WDFY4: variants seen among roughly 807,000 people sequenced by gnomAD.
The protein encoded by WDFY4 is WD repeat- and FYVE domain-containing protein 4.
In WDFY4, 169 loss-of-function variants were observed where a neutral mutation model predicts 351.9. That is an observed-to-expected ratio of 0.48 (90% CI 0.42 to 0.55). The LOEUF (loss-of-function observed/expected upper bound fraction) is 0.55. Among genes scored for constraint, WDFY4 ranks in the 20% least tolerant of loss-of-function variants. WDFY4 has a pLI of 0.00. For synonymous variants in WDFY4, 1,622 were observed against 1,574.6 expected (o/e 1.03, Z -0.71); for missense variants, 3,803 against 3,935.6 (o/e 0.97, Z 0.90).
intron 1 of WDFY4, among the ~76,000 whole-genome samples, chr10:48,708,776 G>T (rs796522644): frequency 1.3e-5 from 2 of 152,246 alleles, no homozygotes; most frequent in African/African-American, 4.8e-5. Flanking sequence ...GCTCTTGTAA[G>T]CTTGGGGACT....
intron 1 of WDFY4, among the ~76,000 whole-genome samples, chr10:48,695,269 T>G (rs1236547790): frequency 1.3e-5 from 2 of 152,340 alleles, no homozygotes; most frequent in African/African-American, 4.8e-5. Flanking sequence ...CAGCTTGTTG[T>G]GTGAGCTGCG....
chr10:48,955,438 G>T (rs2133816041), intron 51 of WDFY4, among the ~76,000 whole-genome samples: 1 of 152,294 alleles, frequency 6.6e-6, no homozygotes, highest in South Asian at 2.1e-4. Flanking sequence ...TTGGGTGTGT[G>T]GTAGGTTCCC....
intron 11 of WDFY4, among the ~76,000 whole-genome samples, chr10:48,738,477 T>C (rs779522666): frequency 1.3e-5 from 2 of 152,220 alleles, no homozygotes; most frequent in Non-Finnish European, 2.9e-5. Context: ...ATCTTCTCCC[T>C]GGGTGCCAAG....
chr10:48,688,376 A>G (rs1236326259), intron 1 of WDFY4, among the ~76,000 whole-genome samples: 1 of 152,232 alleles, frequency 6.6e-6, no homozygotes, highest in Non-Finnish European at 1.5e-5. Context: ...GACTGGAAAT[A>G]TAATTTGGAA....
chr10:48,743,392 G>C lies in WDFY4; in HGVS notation c.2303G>C (p.Gly768Ala), dbSNP rs1054619684. The change falls in exon 12 of 62, where the codon GGC (glycine) becomes GCC (alanine). Residue 768 changes from glycine (G) to alanine (A), a missense_variant. Gly to Ala is a moderately conservative substitution (Grantham distance 60). Around this residue, in one of 3 missense-constraint regions of WDFY4, gnomAD observed 3,054 missense variants for 3,148.6 expected, o/e 0.97. Coordinates refer to ENST00000325239, the MANE Select transcript of WDFY4 (RefSeq NM_001394531.1). ...ATACAGAGCTGCCTCCAGATCCTTG[G>C]CTTTCTGGACAGCATGGCCAGCGGC... ...PRIQSCLQIL[G>A]FLDSMASGTL... 1.7e-5 allele frequency: 26 copies of C among 1,551,614 alleles called. No homozygotes were observed. The highest frequency in any genetic ancestry group is 3.9e-5 in the Admixed American group (2 of 50,998).
chr10:48,887,711 G>A (rs969363446), intron 43 of WDFY4, among the ~76,000 whole-genome samples: 2 of 151,844 alleles, frequency 1.3e-5, no homozygotes, highest in Admixed American at 1.3e-4. Flanking sequence ...CCCAGGAGGC[G>A]GAGCTTGCAG....
At chr10:48,859,894 T>C (rs187942879) in intron 39 of WDFY4, among the ~76,000 whole-genome samples, 54 of 152,374 alleles carry the variant, frequency 3.5e-4, no homozygotes, top group African/African-American at 9.4e-4. Flanking sequence ...TATAAGGCTA[T>C]GCCAATGATC....
chr10:48,772,322 ATG>A (rs1381497103), intron 13 of WDFY4, among the ~76,000 whole-genome samples: 1 of 151,864 alleles, frequency 6.6e-6, no homozygotes, highest in East Asian at 1.9e-4. Flanking sequence ...AGCCTGGAGT[ATG>A]TGTGTGTGTG....
At chr10:48,839,534 CAG>C (rs1214403357) in intron 39 of WDFY4, among the ~76,000 whole-genome samples, 1 of 152,088 alleles carries the variant, frequency 6.6e-6, no homozygotes, top group African/African-American at 2.4e-5. Flanking sequence ...TCAGAGGACC[CAG>C]AGAGAGGTGA....
intron 12 of WDFY4, among the ~76,000 whole-genome samples, chr10:48,754,669 C>A (rs1246023936): frequency 1.3e-5 from 2 of 152,074 alleles, no homozygotes; most frequent in African/African-American, 4.8e-5. Flanking sequence ...CCCTTCCCCT[C>A]ACACCCAGGT....
chr10:48,820,970 A>G (rs1451210526), intron 33 of WDFY4, 92 bp from the exon 34 acceptor site: 15 of 863,270 alleles, frequency 1.7e-5, no homozygotes, highest in South Asian at 1.7e-4. Context: ...CAGATGCGGC[A>G]TAAGTGTCCC....
intron 23 of WDFY4, among the ~76,000 whole-genome samples, chr10:48,793,571 G>A (rs538470006): frequency 2.6e-5 from 4 of 152,072 alleles, no homozygotes; most frequent in Non-Finnish European, 4.4e-5. Context: ...ACGTTTTCTC[G>A]CTTTGTGTTT....
intron 40 of WDFY4, 43 bp downstream of exon 40, chr10:48,867,385 A>G: frequency 7.8e-7 from 1 of 1,288,418 alleles, no homozygotes; most frequent in Non-Finnish European, 1.0e-6. Flanking sequence ...GCAAGCTGGA[A>G]TCCACCTTGA....
intron 12 of WDFY4, among the ~76,000 whole-genome samples, chr10:48,754,550 AT>A (rs1286099931): frequency 2.0e-5 from 3 of 151,224 alleles, no homozygotes; most frequent in Non-Finnish European, 2.9e-5. Flanking sequence ...AGCACTTATC[AT>A]TTCTTATTCA....
At chr10:48,901,273 C>T (rs1207627057) in intron 46 of WDFY4, among the ~76,000 whole-genome samples, 1 of 152,252 alleles carries the variant, frequency 6.6e-6, no homozygotes, top group Non-Finnish European at 1.5e-5. Flanking sequence ...TTAGACCAAA[C>T]CAAACAAGCA....
intron 2 of WDFY4, among the ~76,000 whole-genome samples, chr10:48,715,808 C>CT (rs11101438): frequency 0.2 from 28,652 of 141,178 alleles, 2,954 homozygotes; most frequent in African/African-American, 0.23. Flanking sequence ...CTTTTCTTTT[C>CT]TTTTTTTTTT....
chr10:48,770,995 C>T (rs1371012048), intron 13 of WDFY4, among the ~76,000 whole-genome samples: 1 of 152,114 alleles, frequency 6.6e-6, no homozygotes, highest in Non-Finnish European at 1.5e-5. Flanking sequence ...ATCCCCCTTC[C>T]CCCAGTGCTC....
intron 47 of WDFY4, among the ~76,000 whole-genome samples, chr10:48,940,703 G>A (rs1000525956): frequency 6.6e-6 from 1 of 152,154 alleles, no homozygotes; most frequent in African/African-American, 2.4e-5. Context: ...CTGGTCTTGG[G>A]GGTAGAGGAG....
intron 51 of WDFY4, among the ~76,000 whole-genome samples, chr10:48,950,739 A>G (rs1841283300): frequency 6.6e-6 from 1 of 152,222 alleles, no homozygotes. Context: ...TTTTCAGTAG[A>G]ATAGTGGGGA....
Sources: gnomAD v4.1 joint callset for allele counts (sites outside exome capture counted in the v4.1 genomes callset) on GRCh38, gnomAD v4.1.1 for gene constraint, gnomAD v4.1.1 regional missense constraint, MANE v1.5 for transcripts, NCBI Gene and HGNC (gene_info 2026-07-23, HGNC 2026-07-21) for gene names.